QSOX1: variants seen among roughly 807,000 people sequenced by gnomAD.
QSOX1 encodes quiescin sulfhydryl oxidase 1, also known as sulfhydryl oxidase 1.
QSOX1 carries 40 observed loss-of-function variants against 76.1 expected under a neutral mutation model. The observed-to-expected ratio is 0.53, with a 90% confidence interval of 0.41 to 0.68. The LOEUF (loss-of-function observed/expected upper bound fraction) is 0.68, where lower values mean the gene tolerates loss of function less well. Among genes scored for constraint, QSOX1 ranks in the 30% least tolerant of loss-of-function variants. The pLI, the probability that QSOX1 is intolerant of heterozygous loss-of-function variation, is 0.00. For synonymous variants in QSOX1, 392 were observed against 413.1 expected, an observed-to-expected ratio of 0.95 and a Z score of 0.62; for missense variants, 931 against 974.3, an observed-to-expected ratio of 0.96 and a Z score of 0.59.
chr1:180,176,076 T>C, intron 4 of QSOX1, 43 bp downstream of exon 4: 2 of 1,478,690 alleles, frequency 1.4e-6, no homozygotes, highest in Non-Finnish European at 1.9e-6. Context: ...TGGGCCAGGA[T>C]CCCAGGCCTG....
intron 10 of QSOX1, among the ~76,000 whole-genome samples, chr1:180,193,723 G>A (rs919918742): frequency 4.6e-5 from 7 of 151,942 alleles, no homozygotes; most frequent in African/African-American, 1.7e-4. Flanking sequence ...AATGGAAGGG[G>A]AGAGCGAGGA....
intron 6 of QSOX1, 106 bp from the exon 7 acceptor site, chr1:180,183,810 A>G (rs910931449): frequency 4.7e-6 from 6 of 1,282,604 alleles, no homozygotes; most frequent in East Asian, 2.4e-5. Flanking sequence ...TATTTAATAA[A>G]CCTTCCTGTC....
chr1:180,194,640 T>C (rs1335953804), intron 11 of QSOX1, among the ~76,000 whole-genome samples: 1 of 152,198 alleles, frequency 6.6e-6, no homozygotes, highest in Non-Finnish European at 1.5e-5. Flanking sequence ...GGCCCCTCTC[T>C]AGCCTACTGG....
chr1:180,173,885 A>T (rs1432870863), intron 2 of QSOX1, among the ~76,000 whole-genome samples: 1 of 152,252 alleles, frequency 6.6e-6, no homozygotes, highest in Non-Finnish European at 1.5e-5. Flanking sequence ...AGATGGTGTC[A>T]TCCTCATTTC....
In QSOX1 at chr1:180,197,637, C is replaced by T. The variant is rs1663534055; in HGVS notation, c.*600C>T. ...GGAAGCTTCTGGAAGTCGTGCTGGTCTCCCAGGTGAGGCAAGCCATGGTTG... is the reference window on the plus strand; with the variant it reads ...GGAAGCTTCTGGAAGTCGTGCTGGTTTCCCAGGTGAGGCAAGCCATGGTTG... On this transcript the variant is annotated 3_prime_UTR_variant, in exon 12 of 12. Transcript: ENST00000367602. 6.3e-6 allele frequency: 3 copies of T among 476,572 alleles called. No individual in the cohort carries two copies. Among genetic ancestry groups the T allele is most frequent in the South Asian group, 2.5e-5 (1 of 40,484 alleles). The allele number at this position is 476,572 out of a possible 1,614,324, so 29.5% of individuals were successfully genotyped here.
At chr1:180,158,411 G>A (rs536075474) in intron 1 of QSOX1, among the ~76,000 whole-genome samples, 84 of 152,326 alleles carry the variant, frequency 5.5e-4, no homozygotes, top group African/African-American at 1.7e-3. Context: ...CCCACTGCAC[G>A]TTCATGGTGG....
Position 180,154,885 on chromosome 1 carries a change from T to C in QSOX1, c.-23T>C. On this transcript the variant is annotated 5_prime_UTR_variant, in exon 1 of 12. Coordinates refer to ENST00000367602, the MANE Select transcript of QSOX1 (RefSeq NM_002826.5). Reference sequence around the variant, plus strand: ...ACCCGACTCATCCGGTGCTTGCGTGTGGTGGTGAGCGCAGCGCCGAGGATG... The same window carrying C: ...ACCCGACTCATCCGGTGCTTGCGTGCGGTGGTGAGCGCAGCGCCGAGGATG... The C allele has an allele frequency of 2.2e-6, 3 of 1,390,486 alleles. No homozygotes were observed. The highest frequency in any genetic ancestry group is 1.9e-6 in the Non-Finnish European group (2 of 1,079,394). The allele number at this position is 1,390,486 out of a possible 1,614,324, so 86.1% of individuals were successfully genotyped here.
chr1:180,166,444 G>A (rs774585941), intron 1 of QSOX1, 47 bp from the exon 2 acceptor site: 2 of 1,500,402 alleles, frequency 1.3e-6, no homozygotes, highest in African/African-American at 1.4e-5. Context: ...GCGGGCAGAG[G>A]GGGTACCAGC....
At chr1:180,186,018 C>A (rs1485224550) in intron 7 of QSOX1, 35 bp from the exon 8 acceptor site, 1 of 1,610,982 alleles carries the variant, frequency 6.2e-7, no homozygotes, top group Non-Finnish European at 8.5e-7. Context: ...ATGGTTAATA[C>A]TTCTTTCTCT....
At chr1:180,191,325 TGTG>T (rs1328936013) in intron 10 of QSOX1, among the ~76,000 whole-genome samples, 4 of 151,994 alleles carry the variant, frequency 2.6e-5, no homozygotes, top group Non-Finnish European at 4.4e-5. Context: ...GAGAGAAAGA[TGTG>T]GGGTGAAGAG....
At chr1:180,175,515 C>T in intron 3 of QSOX1, 149 bp downstream of exon 3, 1 of 830,948 alleles carries the variant, frequency 1.2e-6, no homozygotes. Flanking sequence ...TGTGTCTTCC[C>T]AAAACTATCC....
intron 4 of QSOX1, 75 bp downstream of exon 4, chr1:180,176,108 C>T: frequency 8.0e-7 from 1 of 1,253,888 alleles, no homozygotes; most frequent in Non-Finnish European, 1.1e-6. Flanking sequence ...GTGGTGGGAA[C>T]AGCAGGGCGG....
In QSOX1 at chr1:180,166,391, C is replaced by A. The variant is rs146199634; in HGVS notation, c.266-100C>A. 1,793 of 890,584 alleles carry A rather than the reference C, an allele frequency of 2.0e-3. 19 individuals carry two copies. The African/African-American group carries it at 0.026, about 13-fold the overall frequency. 55.2% of individuals were successfully genotyped at this position (890,584 alleles called of 1,614,324 possible). On this transcript the variant is annotated intron_variant, in intron 1 of 11. Transcript: ENST00000367602. ...GTCATAAGAGCTTTGGGATCAGGTG[C>A]TTTGAGGTTGGCAGGGGTGAGGCAT...
chr1:180,171,596 A>G (rs1216664304), intron 2 of QSOX1, among the ~76,000 whole-genome samples: 1 of 152,246 alleles, frequency 6.6e-6, no homozygotes, highest in African/African-American at 2.4e-5. Context: ...AGGTTTGTTC[A>G]TTGATCCCTT....
At chr1:180,184,408 A>G (rs1663118665) in intron 7 of QSOX1, among the ~76,000 whole-genome samples, 1 of 152,204 alleles carries the variant, frequency 6.6e-6, no homozygotes, top group African/African-American at 2.4e-5. Context: ...TTATTTGTGC[A>G]GTCAATATTT....
chr1:180,171,132 G>A (rs1662749722), intron 2 of QSOX1, among the ~76,000 whole-genome samples: 1 of 152,184 alleles, frequency 6.6e-6, no homozygotes, highest in African/African-American at 2.4e-5. Flanking sequence ...GTAGCAGTGA[G>A]GAAGATAGCT....
chr1:180,188,921 G>T (rs1663239503), intron 8 of QSOX1, among the ~76,000 whole-genome samples: 1 of 152,160 alleles, frequency 6.6e-6, no homozygotes, highest in African/African-American at 2.4e-5. Context: ...GAGTCCTTGT[G>T]GTTTTAAAGT....
intron 3 of QSOX1, 72 bp downstream of exon 3, chr1:180,175,438 T>C (rs1038737169): frequency 1.3e-6 from 2 of 1,527,404 alleles, no homozygotes; most frequent in African/African-American, 1.4e-5. Flanking sequence ...GGGTTTCTAT[T>C]GGGGTGGAGA....
At position 180,166,600 on chromosome 1, in the gene QSOX1, C is replaced by CT; in HGVS notation, c.366+10dup. 2 of 1,611,838 alleles carry CT rather than the reference C, an allele frequency of 1.2e-6. No individual in the cohort carries two copies. The highest frequency in any genetic ancestry group is 1.7e-6 in the Non-Finnish European group (2 of 1,178,556). On this transcript the variant is annotated intron_variant, in intron 2 of 11. Coordinates refer to ENST00000367602, the MANE Select transcript of QSOX1 (RefSeq NM_002826.5). ...GCTTCCCGACTGTGAGGGTGTGTGA[C>CT]TGACAGGAGGGGAAGGCAGGCTGGG... is the stretch of plus-strand genomic sequence containing the variant.
Sources: gnomAD v4.1 joint callset for allele counts (sites outside exome capture counted in the v4.1 genomes callset) on GRCh38, gnomAD v4.1.1 for gene constraint, MANE v1.5 for transcripts, NCBI Gene and HGNC (gene_info 2026-07-23, HGNC 2026-07-21) for gene names.